RFTN1: variants seen among roughly 807,000 people sequenced by gnomAD.
RFTN1 encodes raftlin, lipid raft linker 1, also known as raftlin.
A neutral mutation model predicts 46.5 loss-of-function variants in RFTN1; 26 were observed. That is an observed-to-expected ratio of 0.56 (90% CI 0.41 to 0.78). RFTN1 has a LOEUF of 0.78. Among genes scored for constraint, RFTN1 ranks in the 30% least tolerant of loss-of-function variants. The pLI, the probability that RFTN1 is intolerant of heterozygous loss-of-function variation, is 0.00. For missense variants in RFTN1, 693 were observed against 718.7 expected, an observed-to-expected ratio of 0.96 and a Z score of 0.41; for synonymous variants, 261 against 284.2, an observed-to-expected ratio of 0.92 and a Z score of 0.82.
At chr3:16,343,608 A>G (rs561172014) in intron 7 of RFTN1, among the ~76,000 whole-genome samples, 1 of 152,380 alleles carries the variant, frequency 6.6e-6, no homozygotes, top group South Asian at 2.1e-4. Flanking sequence ...ACTGGACTGA[A>G]GAAAACAGGG....
At chr3:16,362,695 G>C (rs2072908817) in intron 6 of RFTN1, among the ~76,000 whole-genome samples, 1 of 152,198 alleles carries the variant, frequency 6.6e-6, no homozygotes, top group Non-Finnish European at 1.5e-5. Context: ...TCTACATACA[G>C]ATCTTCTCAA....
chr3:16,494,933 T>G (rs1387862302), intron 1 of RFTN1, among the ~76,000 whole-genome samples: 3 of 152,158 alleles, frequency 2.0e-5, no homozygotes, highest in Non-Finnish European at 2.9e-5. Context: ...TCCTTTTGCT[T>G]AATTCATTTA....
chr3:16,414,603 CA>C lies in RFTN1; in HGVS notation c.333-5121del, dbSNP rs71632872. Among the ~76,000 whole-genome samples the C allele has an allele frequency of 7.2e-3, 813 of 112,266 alleles. 7 individuals are homozygous for C. The highest frequency in any genetic ancestry group is 0.023 in the African/African-American group (648 of 27,672). The allele number at this position is 112,266 out of a possible 152,430, so 73.7% of individuals were successfully genotyped here. On this transcript the variant is annotated intron_variant, in intron 3 of 9. Transcript: ENST00000334133. ...TGAGCAACAGAGTGAGACTTCATCTCAAAAAAAAAAAAAAGAAAAGAAAAGG... is the reference window on the plus strand; with the variant it reads ...TGAGCAACAGAGTGAGACTTCATCTCAAAAAAAAAAAAAGAAAAGAAAAGG...
At position 16,500,311 on chromosome 3, in the gene RFTN1, C is replaced by A. The variant is rs1359329560; in HGVS notation, c.-8-6434G>T. Among the ~76,000 whole-genome samples, 1 of 152,140 alleles carries A rather than the reference C, an allele frequency of 6.6e-6. No individual in the cohort carries two copies. The highest frequency in any genetic ancestry group is 2.4e-5 in the African/African-American group (1 of 41,416). On this transcript the variant is annotated intron_variant, in intron 1 of 9. Coordinates refer to ENST00000334133, the MANE Select transcript of RFTN1 (RefSeq NM_015150.2). The surrounding 1 kb of genome is among the most constrained non-coding windows in gnomAD (Gnocchi z 5.9). ...TGGATCAGCTTTGATTGACAGGTGT[C>A]CAGGCATTTGTTTCTCTTTTTATAT... is the stretch of plus-strand genomic sequence containing the variant.
chr3:16,423,661 G>T (rs1172795538), intron 3 of RFTN1, among the ~76,000 whole-genome samples: 1 of 152,096 alleles, frequency 6.6e-6, no homozygotes, highest in African/African-American at 2.4e-5. Flanking sequence ...AGCTATGATG[G>T]CTATTATCAA....
chr3:16,379,323 A>G (rs2073900065), intron 4 of RFTN1, among the ~76,000 whole-genome samples: 1 of 152,282 alleles, frequency 6.6e-6, no homozygotes, highest in Admixed American at 6.5e-5. Flanking sequence ...CATGCAGTCC[A>G]GTCTTTAAAT....
intron 4 of RFTN1, among the ~76,000 whole-genome samples, chr3:16,399,584 T>A (rs991288543): frequency 1.3e-5 from 2 of 152,222 alleles, no homozygotes; most frequent in Admixed American, 6.5e-5. Context: ...TACTTTTTCT[T>A]TTCTCTGAAT....
rs574787618 is a variant in RFTN1 at position 16,428,829 on chromosome 3, C to T, written c.332+5022G>A. 1.3e-5 allele frequency among the ~76,000 whole-genome samples: 2 copies of T among 152,088 alleles called. No homozygotes were observed. The highest frequency in any genetic ancestry group is 2.4e-5 in the African/African-American group (1 of 41,428). The stretch of plus-strand genomic sequence containing the variant: ...CACACTCATGAAACATCAGAAGTGA[C>T]GTTTTAATAACTGACTTCTGTTAGC... On this transcript the variant is annotated intron_variant, in intron 3 of 9. Transcript: ENST00000334133. This position sits in a 1 kb window ranked among gnomAD's most constrained non-coding sequence, Gnocchi z 4.7.
chr3:16,427,270 T>G lies in RFTN1; in HGVS notation c.332+6581A>C, dbSNP rs1172629907. The stretch of plus-strand genomic sequence containing the variant: ...GGACAGAGCTAAGGCATTGACTCAC[T>G]ACTTCCCAAGAGTCCCCATTCAATG... On this transcript the variant is annotated intron_variant, in intron 3 of 9. Transcript: ENST00000334133. The surrounding 1 kb of genome is among the most constrained non-coding windows in gnomAD (Gnocchi z 5.4). 6.6e-6 allele frequency among the ~76,000 whole-genome samples: 1 copy of G among 152,140 alleles called. No individual in the cohort carries two copies. Among genetic ancestry groups the G allele is most frequent in the East Asian group, 1.9e-4 (1 of 5,192 alleles).
At position 16,336,696 on chromosome 3, in the gene RFTN1, T is replaced by C. The variant is rs377697897; in HGVS notation, c.1147-9820A>G. 2.5e-4 allele frequency among the ~76,000 whole-genome samples: 38 copies of C among 152,180 alleles called. No individual in the cohort carries two copies. Among genetic ancestry groups the C allele is most frequent in the African/African-American group, 8.7e-4 (36 of 41,508 alleles). ...TTTTTAAAAAAGCTTAGTTCTTAGA[T>C]GCAGAAAAGGGTCAGAGGAAAATAC... On this transcript the variant is annotated intron_variant, in intron 7 of 9. Transcript: ENST00000334133. This position sits in a 1 kb window ranked among gnomAD's most constrained non-coding sequence, Gnocchi z 6.0.
At chr3:16,367,754 C>T (rs1003978662) in intron 6 of RFTN1, among the ~76,000 whole-genome samples, 20 of 151,994 alleles carry the variant, frequency 1.3e-4, no homozygotes, top group African/African-American at 4.8e-4. Context: ...AGTGGGGTGA[C>T]GGGAAGTAGA....
chr3:16,401,079 AT>A (rs912799268), intron 4 of RFTN1, among the ~76,000 whole-genome samples: 15 of 152,212 alleles, frequency 9.9e-5, no homozygotes, highest in Admixed American at 7.8e-4. Context: ...TGAAAAGCCA[AT>A]GGGGGCCGAT....
rs1451078816 is a variant in RFTN1 at position 16,385,885 on chromosome 3, G to A, written c.442-7783C>T. On this transcript the variant is annotated intron_variant, in intron 4 of 9. Transcript: ENST00000334133. The surrounding 1 kb of genome is among the most constrained non-coding windows in gnomAD (Gnocchi z 5.0). ...TGGAGCAAAGACGACCTTGGCCCAT[G>A]AGAACTGCCATCATCCAAGTAGGAC... is the stretch of plus-strand genomic sequence containing the variant. Among the ~76,000 whole-genome samples, 2 of 152,180 alleles carry A rather than the reference G, an allele frequency of 1.3e-5. No individual in the cohort carries two copies. Among genetic ancestry groups the A allele is most frequent in the African/African-American group, 4.8e-5 (2 of 41,446 alleles).
At position 16,374,123 on chromosome 3, in the gene RFTN1, C is replaced by T. The variant is rs1254053367; in HGVS notation, c.826+3595G>A. Among the ~76,000 whole-genome samples the T allele has an allele frequency of 6.6e-6, 1 of 152,216 alleles. No individual in the cohort carries two copies. The highest frequency in any genetic ancestry group is 2.4e-5 in the African/African-American group (1 of 41,444). On this transcript the variant is annotated intron_variant, in intron 5 of 9. Coordinates refer to ENST00000334133, the MANE Select transcript of RFTN1 (RefSeq NM_015150.2). This position sits in a 1 kb window ranked among gnomAD's most constrained non-coding sequence, Gnocchi z 5.4. Reference sequence around the variant, plus strand: ...CATATTTACAAGGGCCTTTCACCTTCACCATCTCATGTGACTCTCCCAAAC... The same window carrying T: ...CATATTTACAAGGGCCTTTCACCTTTACCATCTCATGTGACTCTCCCAAAC...
chr3:16,372,788 G>A (rs894425208), intron 5 of RFTN1, among the ~76,000 whole-genome samples: 1 of 152,194 alleles, frequency 6.6e-6, no homozygotes, highest in African/African-American at 2.4e-5. Flanking sequence ...CAGCTTTCCC[G>A]GCTTGATCCT....
In RFTN1 at chr3:16,326,959, A is replaced by G. The variant is rs766373021; in HGVS notation, c.1147-83T>C. 1.5e-4 allele frequency: 152 copies of G among 1,024,088 alleles called. 2 individuals carry two copies. The highest frequency in any genetic ancestry group is 2.0e-4 in the Non-Finnish European group (137 of 685,194). 63.4% of individuals were successfully genotyped at this position (1,024,088 alleles called of 1,614,324 possible). A position where few individuals can be genotyped will look rare whatever the true frequency, so the allele number is the denominator to read the frequency against. On this transcript the variant is annotated intron_variant, in intron 7 of 9. Transcript: ENST00000334133. ...TGAGAGGGGACTATTCAGTCTGCCA[A>G]TCCGCAAAACAGAAAAGAAGTGGCG...
Position 16,443,114 on chromosome 3 carries a change from A to G in RFTN1, c.146-9077T>C, listed in dbSNP as rs1242948907. ...AGTAATGGGATTGCTAGATCATAGGATATTTCTATTTTTAATTTTTGATGA... is the reference window on the plus strand; with the variant it reads ...AGTAATGGGATTGCTAGATCATAGGGTATTTCTATTTTTAATTTTTGATGA... On this transcript the variant is annotated intron_variant, in intron 2 of 9. Coordinates refer to ENST00000334133, the MANE Select transcript of RFTN1 (RefSeq NM_015150.2). This position sits in a 1 kb window ranked among gnomAD's most constrained non-coding sequence, Gnocchi z 5.5. Among the ~76,000 whole-genome samples, 1 of 152,230 alleles carries G rather than the reference A, an allele frequency of 6.6e-6. No individual in the cohort carries two copies. The highest frequency in any genetic ancestry group is 1.5e-5 in the Non-Finnish European group (1 of 67,998).
chr3:16,357,865 A>G, intron 7 of RFTN1, 67 bp downstream of exon 7: 1 of 1,002,284 alleles, frequency 1.0e-6, no homozygotes, highest in East Asian at 2.4e-5. Context: ...CCACGGTCAG[A>G]TCAAGCAGGC....
At chr3:16,454,438 A>T (rs1031771446) in intron 2 of RFTN1, among the ~76,000 whole-genome samples, 1 of 152,164 alleles carries the variant, frequency 6.6e-6, no homozygotes. Flanking sequence ...TCAGACCTGC[A>T]TTTCAATAAC....
Sources: gnomAD v4.1 joint callset for allele counts (sites outside exome capture counted in the v4.1 genomes callset) on GRCh38, gnomAD v4.1.1 for gene constraint, Gnocchi (gnomAD v3.1) non-coding constraint, MANE v1.5 for transcripts, NCBI Gene and HGNC (gene_info 2026-07-23, HGNC 2026-07-21) for gene names.